The following MSH6 variants were observed in gnomAD, a reference collection of about 807,000 sequenced individuals.
MSH6 encodes DNA mismatch repair protein Msh6.
A neutral mutation model predicts 119.1 loss-of-function variants in MSH6; 85 were observed. The observed-to-expected ratio is 0.71, with a 90% CI of 0.60 to 0.85. MSH6 has a LOEUF of 0.85. Among genes scored for constraint, MSH6 ranks in the 40% least tolerant of loss-of-function variants. The pLI, the probability that MSH6 is intolerant of heterozygous loss-of-function variation, is 0.00. For missense variants in MSH6, 2,163 were observed against 1,655.3 expected, an observed-to-expected ratio of 1.31 and a Z score of -5.32; for synonymous variants, 830 against 586.9, an observed-to-expected ratio of 1.41 and a Z score of -5.99.
intron 2 of MSH6, 30 bp downstream of exon 2, chr2:47,791,153 T>TG (rs777786417): frequency 6.3e-7 from 1 of 1,580,248 alleles, no homozygotes; most frequent in African/African-American, 1.4e-5. Flanking sequence ...TGTGTGTGTG[T>TG]TTGTGTGTGT....
Position 47,799,738 on chromosome 2 carries a change from A to C in MSH6, c.1755A>C (p.Leu585=). The change falls in exon 4 of 10, where the codon CTA becomes CTC. Residue 585 remains leucine, a synonymous_variant. Transcript: ENST00000234420. The part of the protein sequence containing the change: ...DDRHCSRFRT[L]VAHYPPVQVL... ...GCCATTGTTCGAGATTTAGGACTCT[A>C]GTGGCACACTATCCCCCAGTACAAG... 6.2e-7 allele frequency: 1 copy of C among 1,614,194 alleles called. No homozygotes were observed. Among genetic ancestry groups the C allele is most frequent in the Non-Finnish European group, 8.5e-7 (1 of 1,180,030 alleles).
intron 1 of MSH6, among the ~76,000 whole-genome samples, chr2:47,787,561 T>C (rs115632931): frequency 0.013 from 1,979 of 152,272 alleles, 32 homozygotes; most frequent in African/African-American, 0.043. Context: ...TAAGACTCAC[T>C]TAAAGCTTTA....
intron 1 of MSH6, among the ~76,000 whole-genome samples, chr2:47,790,560 A>G (rs1668662163): frequency 6.6e-6 from 1 of 152,178 alleles, no homozygotes; most frequent in Non-Finnish European, 1.5e-5. Flanking sequence ...CCTGTTTCTG[A>G]TATGTACATA....
At chr2:47,790,881 A>G (rs1270442387) in intron 1 of MSH6, 46 bp from the exon 2 acceptor site, 1 of 1,587,626 alleles carries the variant, frequency 6.3e-7, no homozygotes, top group Non-Finnish European at 8.7e-7. Flanking sequence ...CTTTAAGGAA[A>G]CTTGACCAAA....
In MSH6 at chr2:47,800,237, G is replaced by A. The variant is rs1296033854; in HGVS notation, c.2254G>A (p.Gly752Ser). The part of the protein sequence containing the change: ...NLEIFLNGTN[G>S]STEGTLLERV... ...GGAGATTTTTCTGAATGGAACAAAT[G>A]GTTCTACTGAAGGAACCCTACTAGA... The change falls in exon 4 of 10, where the codon GGT becomes AGT. Residue 752 changes from glycine (G) to serine (S), a missense_variant. By Grantham distance (56) the Gly-to-Ser change is moderately conservative (BLOSUM62 0). Transcript: ENST00000234420. The A allele has an allele frequency of 1.2e-6, 2 of 1,614,160 alleles. No homozygotes were observed. Among genetic ancestry groups the A allele is most frequent in the South Asian group, 2.2e-5 (2 of 91,074 alleles).
intron 1 of MSH6, chr2:47,789,367 A>T: frequency 2.4e-6 from 1 of 417,418 alleles, no homozygotes; most frequent in Non-Finnish European, 4.8e-6. Context: ...AAAGGAATTT[A>T]TTTCAAAACT....
intron 2 of MSH6, among the ~76,000 whole-genome samples, chr2:47,792,670 C>T (rs1238163687): frequency 6.6e-6 from 1 of 151,822 alleles, no homozygotes; most frequent in Non-Finnish European, 1.5e-5. Context: ...CCAACTTTTT[C>T]GTTTTCTTTT....
chr2:47,800,100 T>C lies in MSH6; in HGVS notation c.2117T>C (p.Phe706Ser), dbSNP rs587779231. Residue 706 changes from phenylalanine to serine, a missense_variant, in exon 4 of 10, where the codon TTT becomes TCT. Coordinates refer to ENST00000234420, the MANE Select transcript of MSH6 (RefSeq NM_000179.3). Reference sequence around the variant, plus strand: ...CAGGAGCTTTTATCAATGGCTAATTTTGAAGAATATATTCCCTTGGATTCT... The same window carrying C: ...CAGGAGCTTTTATCAATGGCTAATTCTGAAGAATATATTCCCTTGGATTCT... ...IDQELLSMAN[F>S]EEYIPLDSDT... 1 of 1,614,202 alleles carries C rather than the reference T, an allele frequency of 6.2e-7. No homozygotes were observed. The highest frequency in any genetic ancestry group is 8.5e-7 in the Non-Finnish European group (1 of 1,180,038).
Position 47,804,287 on chromosome 2 carries a change from A to T in MSH6, c.3438+602A>T, listed in dbSNP as rs531637015. ...CATCATGCCTAGCTCATTTTTAAAA[A>T]AATTTTTTATGGCATTGTATTTATC... On this transcript the variant is annotated intron_variant, in intron 5 of 9. Coordinates refer to ENST00000234420, the MANE Select transcript of MSH6 (RefSeq NM_000179.3). Among the ~76,000 whole-genome samples the T allele has an allele frequency of 9.9e-5, 15 of 152,254 alleles. No individual in the cohort carries two copies. The East Asian group carries it at 2.7e-3, about 27-fold the overall frequency.
intron 5 of MSH6, 108 bp from the exon 6 acceptor site, chr2:47,804,802 A>G (rs1669854515): frequency 1.2e-6 from 1 of 833,126 alleles, no homozygotes; most frequent in South Asian, 1.3e-5. Context: ...GTGATTGTGA[A>G]AGTTGTTTTA....
intron 1 of MSH6, among the ~76,000 whole-genome samples, chr2:47,788,946 T>TG (rs1444881128): frequency 1.3e-4 from 15 of 115,830 alleles, no homozygotes; most frequent in Non-Finnish European, 2.4e-4. Flanking sequence ...TTTTTTTTTT[T>TG]TGTGAGACGG....
At chr2:47,797,857 A>G in intron 3 of MSH6, 1 of 235,942 alleles carries the variant, frequency 4.2e-6, no homozygotes, top group Admixed American at 4.1e-5. Context: ...CTCCCAGTTC[A>G]AAATGCTTGC....
At chr2:47,802,044 A>G (rs1050777979) in intron 4 of MSH6, among the ~76,000 whole-genome samples, 1 of 152,244 alleles carries the variant, frequency 6.6e-6, no homozygotes, top group African/African-American at 2.4e-5. Flanking sequence ...TTTGGTGAAT[A>G]CTGTTTCAAG....
At chr2:47,798,086 TC>T in intron 3 of MSH6, 2 of 203,516 alleles carry the variant, frequency 9.8e-6, no homozygotes, top group South Asian at 9.5e-5. Context: ...TTACAGCAAG[TC>T]CAGAGATTTT....
chr2:47,806,125 GTCCTAGCA>G, intron 7 of MSH6, 71 bp from the exon 8 acceptor site: 1 of 1,404,732 alleles, frequency 7.1e-7, no homozygotes, highest in South Asian at 1.2e-5. Flanking sequence ...TTGCTTTTCT[GTCCTAGCA>G]TTTTTGTTTT....
At position 47,799,415 on chromosome 2, in the gene MSH6, T is replaced by C. The variant is rs1558661654; in HGVS notation, c.1432T>C (p.Tyr478His). 6.2e-7 allele frequency: 1 copy of C among 1,614,138 alleles called. No homozygotes were observed. The highest frequency in any genetic ancestry group is 8.5e-7 in the Non-Finnish European group (1 of 1,180,042). ...TTCAGATTCCCTGGTGCAGAAGGGCTATAAAGTAGCACGAGTGGAACAGAC... is the reference window on the plus strand; with the variant it reads ...TTCAGATTCCCTGGTGCAGAAGGGCCATAAAGTAGCACGAGTGGAACAGAC... ...RYSDSLVQKG[Y>H]KVARVEQTET... is the part of the protein sequence containing the mutation. Residue 478 changes from tyrosine (Y) to histidine (H), a missense_variant, in exon 4 of 10, where the codon TAT (tyrosine) becomes CAT (histidine). Tyr to His is a moderately conservative substitution (Grantham distance 83). Transcript: ENST00000234420.
In MSH6 at chr2:47,800,307, A is replaced by G. The variant is rs2104400831; in HGVS notation, c.2324A>G (p.Lys775Arg). The G allele has an allele frequency of 6.2e-7, 1 of 1,614,194 alleles. No individual in the cohort carries two copies. Among genetic ancestry groups the G allele is most frequent in the Non-Finnish European group, 8.5e-7 (1 of 1,180,044 alleles). The change falls in exon 4 of 10, where the codon AAG (lysine) becomes AGG (arginine). Residue 775 changes from lysine to arginine, a missense_variant. By Grantham distance (26) the Lys-to-Arg change is conservative. Coordinates refer to ENST00000234420, the MANE Select transcript of MSH6 (RefSeq NM_000179.3). ...ACTCCTTTTGGTAAGCGGCTCCTAA[A>G]GCAATGGCTTTGTGCCCCACTCTGT... The part of the protein sequence containing the change: ...CHTPFGKRLL[K>R]QWLCAPLCNH...
At chr2:47,801,197 G>C (rs776793647) in intron 4 of MSH6, 42 bp downstream of exon 4, 1 of 1,597,818 alleles carries the variant, frequency 6.3e-7, no homozygotes, top group South Asian at 1.1e-5. Context: ...TTGATAAGTA[G>C]TGCTGTTTGC....
intron 2 of MSH6, 53 bp downstream of exon 2, chr2:47,791,176 G>GAA: frequency 6.6e-7 from 1 of 1,515,120 alleles, no homozygotes. Context: ...GTGTGTGTGT[G>GAA]AGAGAAACAG....
Sources: allele counts gnomAD v4.1 joint callset (sites outside exome capture counted in the v4.1 genomes callset), GRCh38; gene constraint gnomAD v4.1.1; transcripts MANE v1.5; gene names NCBI Gene and HGNC (gene_info 2026-07-23, HGNC 2026-07-21).